KLHL32: variants seen among roughly 807,000 people sequenced by gnomAD.
KLHL32 encodes the protein kelch-like protein 32.
In KLHL32, 35 loss-of-function variants were observed where a neutral mutation model predicts 64.8. The observed-to-expected ratio is 0.54, with a 90% CI of 0.41 to 0.72. KLHL32 has a LOEUF of 0.72. Ranked by LOEUF, KLHL32 falls within the 30% of genes least tolerant of loss-of-function variation. The pLI, the probability that KLHL32 is intolerant of heterozygous loss-of-function variation, is 0.00. For synonymous variants in KLHL32, 259 were observed against 281.0 expected (o/e 0.92, Z 0.78); for missense variants, 589 against 768.5 (o/e 0.77, Z 2.76).
At chr6:96,986,835 C>T (rs979092425) in intron 3 of KLHL32, among the ~76,000 whole-genome samples, 1 of 152,206 alleles carries the variant, frequency 6.6e-6, no homozygotes, top group Non-Finnish European at 1.5e-5. Context: ...GAGACGATGC[C>T]TCGCCCTGCT....
intron 4 of KLHL32, among the ~76,000 whole-genome samples, chr6:97,061,349 G>A (rs1294075894): frequency 5.0e-5 from 3 of 59,442 alleles, no homozygotes; most frequent in Non-Finnish European, 1.0e-4. Flanking sequence ...CCCCCAGCCC[G>A]CCCCATCCCG....
upstream of KLHL32, among the ~76,000 whole-genome samples, chr6:96,921,876 GA>G (rs1768764747): frequency 2.0e-5 from 3 of 152,152 alleles, no homozygotes; most frequent in Admixed American, 2.0e-4. Context: ...GATGATAGAT[GA>G]AAAAAATGCT....
intron 3 of KLHL32, among the ~76,000 whole-genome samples, chr6:97,007,446 G>A (rs951336541): frequency 6.6e-6 from 1 of 152,096 alleles, no homozygotes; most frequent in Non-Finnish European, 1.5e-5. Context: ...GAATATGGAT[G>A]ATCTTTGTTC....
intron 1 of KLHL32, among the ~76,000 whole-genome samples, chr6:96,966,759 A>C (rs1258982545): frequency 6.6e-6 from 1 of 152,106 alleles, no homozygotes; most frequent in Non-Finnish European, 1.5e-5. Flanking sequence ...ACTATTGTTG[A>C]TTCTCAAACA....
intron 7 of KLHL32, among the ~76,000 whole-genome samples, chr6:97,123,076 A>G (rs1798526916): frequency 6.6e-6 from 1 of 151,582 alleles, no homozygotes; most frequent in South Asian, 2.1e-4. Context: ...ATAGACATCT[A>G]CTCCTGGAGT....
intron 1 of KLHL32, among the ~76,000 whole-genome samples, chr6:96,937,724 C>T (rs1343529990): frequency 6.6e-6 from 1 of 152,178 alleles, no homozygotes; most frequent in East Asian, 1.9e-4. Flanking sequence ...TCCCCCTCTA[C>T]CCTCCATCCT....
chr6:96,989,487 G>A (rs1777582893), intron 3 of KLHL32, among the ~76,000 whole-genome samples: 1 of 152,094 alleles, frequency 6.6e-6, no homozygotes, highest in Middle Eastern at 3.2e-3. Flanking sequence ...ATGGGTTTCT[G>A]TTTGTATATG....
intron 3 of KLHL32, among the ~76,000 whole-genome samples, chr6:96,985,693 T>C (rs1776943182): frequency 1.3e-5 from 2 of 152,240 alleles, no homozygotes; most frequent in African/African-American, 2.4e-5. Context: ...ATTTGTCACG[T>C]AGTTCTCGTG....
chr6:96,935,729 C>T (rs1310568187), intron 1 of KLHL32, among the ~76,000 whole-genome samples: 2 of 151,724 alleles, frequency 1.3e-5, no homozygotes, highest in Admixed American at 6.6e-5. Flanking sequence ...AGTCCAGTGA[C>T]CAAATGTGCA....
intron 1 of KLHL32, among the ~76,000 whole-genome samples, chr6:96,944,169 T>C (rs1453628368): frequency 6.6e-6 from 1 of 152,204 alleles, no homozygotes; most frequent in Non-Finnish European, 1.5e-5. Context: ...CGGTAATTAC[T>C]GATCATGCTG....
At chr6:96,903,127 A>T in the KLHL32 span, among the ~76,000 whole-genome samples, 1 of 152,188 alleles carries the variant, frequency 6.6e-6, no homozygotes, top group African/African-American at 2.4e-5. Context: ...CAACAAAAAA[A>T]AACAGTTGGT....
chr6:97,074,103 T>C (rs1764793161), intron 5 of KLHL32, among the ~76,000 whole-genome samples: 1 of 152,178 alleles, frequency 6.6e-6, no homozygotes, highest in Non-Finnish European at 1.5e-5. Flanking sequence ...CAACAGTATA[T>C]TTATGCAGGA....
chr6:96,936,167 T>A (rs1218883679), intron 1 of KLHL32, among the ~76,000 whole-genome samples: 1 of 152,168 alleles, frequency 6.6e-6, no homozygotes, highest in African/African-American at 2.4e-5. Context: ...TAAGAAATTA[T>A]AAGAAAATGA....
intron 1 of KLHL32, among the ~76,000 whole-genome samples, chr6:96,948,237 T>G (rs1772153383): frequency 6.6e-6 from 1 of 152,184 alleles, no homozygotes; most frequent in Non-Finnish European, 1.5e-5. Flanking sequence ...TTACCTGGAT[T>G]CTAATCCTGG....
At chr6:97,068,357 AC>A (rs1168307147) in intron 5 of KLHL32, among the ~76,000 whole-genome samples, 1 of 152,210 alleles carries the variant, frequency 6.6e-6, no homozygotes. Context: ...AGTACTGAAT[AC>A]GCAACTCCCT....
At chr6:97,129,749 G>T (rs768006654) in intron 8 of KLHL32, among the ~76,000 whole-genome samples, 1 of 152,116 alleles carries the variant, frequency 6.6e-6, no homozygotes, top group Non-Finnish European at 1.5e-5. Flanking sequence ...AGGTTTGGTG[G>T]CACTTGCCTG....
chr6:97,115,169 C>T (rs1241721525), intron 7 of KLHL32, among the ~76,000 whole-genome samples: 1 of 152,150 alleles, frequency 6.6e-6, no homozygotes, highest in Non-Finnish European at 1.5e-5. Flanking sequence ...GAGCACACCA[C>T]CACACCCAGC....
intron 1 of KLHL32, among the ~76,000 whole-genome samples, chr6:96,958,657 T>G (rs1293184864): frequency 1.3e-5 from 2 of 152,168 alleles, no homozygotes; most frequent in Non-Finnish European, 2.9e-5. Context: ...ATTGCCTGTA[T>G]TCATTTGATC....
At chr6:97,083,117 T>C (rs56957658) in intron 5 of KLHL32, among the ~76,000 whole-genome samples, 3,990 of 152,128 alleles carry the variant, frequency 0.026, 166 homozygotes, top group African/African-American at 0.091. Context: ...GAAGGCTGGG[T>C]GCCGTGGCTC....
Sources: gnomAD v4.1 joint callset for allele counts (sites outside exome capture counted in the v4.1 genomes callset) on GRCh38, gnomAD v4.1.1 for gene constraint, MANE v1.5 for transcripts, NCBI Gene and HGNC (gene_info 2026-07-23, HGNC 2026-07-21) for gene names.